CHRNA9: variants seen among roughly 807,000 people sequenced by gnomAD.
CHRNA9 encodes the protein neuronal acetylcholine receptor subunit alpha-9.
A neutral mutation model predicts 36.8 loss-of-function variants in CHRNA9; 24 were observed. The ratio of observed to expected loss-of-function variants is 0.65; its 90% confidence interval spans 0.47 to 0.92. The LOEUF (loss-of-function observed/expected upper bound fraction) is 0.92, where lower values mean the gene tolerates loss of function less well. CHRNA9 is among the 40% of genes least tolerant of loss of function. The probability of loss-of-function intolerance (pLI) is 0.00; values close to 1 mark genes in which losing one functional copy is unlikely to be tolerated. For missense variants in CHRNA9, 610 were observed against 601.2 expected, an observed-to-expected ratio of 1.01 and a Z score of -0.15; for synonymous variants, 231 against 231.8, an observed-to-expected ratio of 1.00 and a Z score of 0.03.
At chr4:40,346,154 G>A (rs1328906423) in intron 3 of CHRNA9, among the ~76,000 whole-genome samples, 1 of 152,242 alleles carries the variant, frequency 6.6e-6, no homozygotes, top group Non-Finnish European at 1.5e-5. Flanking sequence ...TGGAGCACCA[G>A]TGGGCAATTG....
chr4:40,341,592 G>A (rs182150565), intron 3 of CHRNA9, among the ~76,000 whole-genome samples: 49 of 152,216 alleles, frequency 3.2e-4, no homozygotes, highest in South Asian at 8.3e-4. Context: ...TACATAGGGC[G>A]CAACCAATGG....
At chr4:40,351,180 G>T (rs542952997) in intron 4 of CHRNA9, among the ~76,000 whole-genome samples, 2 of 150,944 alleles carry the variant, frequency 1.3e-5, no homozygotes, top group South Asian at 2.1e-4. Context: ...TCTATAAAAA[G>T]AATTAGCTGG....
At chr4:40,341,375 C>T (rs1402868859) in intron 3 of CHRNA9, among the ~76,000 whole-genome samples, 1 of 151,842 alleles carries the variant, frequency 6.6e-6, no homozygotes, top group East Asian at 1.9e-4. Flanking sequence ...GCCTTGACCT[C>T]CTGGACTCAA....
chr4:40,353,988 A>G lies in CHRNA9; in HGVS notation c.908A>G (p.Tyr303Cys), dbSNP rs751848478. 1 of 1,599,782 alleles carries G rather than the reference A, an allele frequency of 6.3e-7. No individual in the cohort carries two copies. Among genetic ancestry groups the G allele is most frequent in the South Asian group, 1.1e-5 (1 of 90,108 alleles). Residue 303 changes from tyrosine (Y) to cysteine (C), a missense_variant, in exon 5 of 5, where the codon TAC (tyrosine) becomes TGC (cysteine). Coordinates refer to ENST00000310169, the MANE Select transcript of CHRNA9 (RefSeq NM_017581.4). ...SENVPLIGKY[Y>C]IATMALITAS... ...GTTATTTTAATTCCAGGTAAATACTACATAGCCACGATGGCCCTGATCACA... is the reference window on the plus strand; with the variant it reads ...GTTATTTTAATTCCAGGTAAATACTGCATAGCCACGATGGCCCTGATCACA...
Position 40,335,395 on chromosome 4 carries a change from C to T in CHRNA9, c.-73C>T, listed in dbSNP as rs1712283698. The T allele has an allele frequency of 1.7e-6, 2 of 1,167,794 alleles. No individual in the cohort carries two copies. Among genetic ancestry groups the T allele is most frequent in the African/African-American group, 1.5e-5 (1 of 66,422 alleles). 72.3% of individuals were successfully genotyped at this position (1,167,794 alleles called of 1,614,324 possible). ...GGTGTGGGCTCCTTGTGCCCAGATC[C>T]TTTGTATTCATAGGGGGAAGTGGAA... On this transcript the variant is annotated 5_prime_UTR_variant, in exon 1 of 5. Coordinates refer to ENST00000310169, the MANE Select transcript of CHRNA9 (RefSeq NM_017581.4).
chr4:40,344,803 T>C (rs78800928), intron 3 of CHRNA9, among the ~76,000 whole-genome samples: 9,351 of 152,234 alleles, frequency 0.061, 356 homozygotes, highest in South Asian at 0.1. Context: ...TAATAAGCTA[T>C]ATATGTAAAA....
At chr4:40,336,738 C>T (rs1324780257) in intron 2 of CHRNA9, among the ~76,000 whole-genome samples, 1 of 152,118 alleles carries the variant, frequency 6.6e-6, no homozygotes, top group Non-Finnish European at 1.5e-5. Context: ...CCTCGGCCTC[C>T]CAAAGTGCTG....
At chr4:40,340,805 C>T (rs1712477350) in intron 3 of CHRNA9, among the ~76,000 whole-genome samples, 1 of 151,908 alleles carries the variant, frequency 6.6e-6, no homozygotes, top group African/African-American at 2.4e-5. Flanking sequence ...CTTCACAGAA[C>T]AGTTGAATTT....
intron 3 of CHRNA9, among the ~76,000 whole-genome samples, chr4:40,341,954 G>C (rs890446095): frequency 6.6e-6 from 1 of 152,124 alleles, no homozygotes. Flanking sequence ...ATTGCCTGTT[G>C]CCTAGGCTGG....
Position 40,336,364 on chromosome 4 carries a change from A to G in CHRNA9, c.210+392A>G, listed in dbSNP as rs1191146249. Among the ~76,000 whole-genome samples the G allele has an allele frequency of 3.3e-5, 5 of 152,194 alleles. No homozygotes were observed. The East Asian group carries it at 7.7e-4, about 23-fold the overall frequency. On this transcript the variant is annotated intron_variant, in intron 2 of 4. Transcript: ENST00000310169. ...ATTACGGCGTTTCTTTGCGGGGGGA[A>G]GAAATGATCTTGAATTAGGCAGTGG...
At position 40,336,941 on chromosome 4, in the gene CHRNA9, C is replaced by T. The variant is rs1252488817; in HGVS notation, c.211-269C>T. Reference sequence around the variant, plus strand: ...AGTACATCATTCATTGATCAATTTTCAGGAAATATAGGCAGTTGATCTATG... The same window carrying T: ...AGTACATCATTCATTGATCAATTTTTAGGAAATATAGGCAGTTGATCTATG... On this transcript the variant is annotated intron_variant, in intron 2 of 4. Transcript: ENST00000310169. Among the ~76,000 whole-genome samples the T allele has an allele frequency of 3.3e-5, 5 of 152,078 alleles. No individual in the cohort carries two copies. The East Asian group carries it at 5.8e-4, about 18-fold the overall frequency.
At chr4:40,345,752 C>A (rs895701778) in intron 3 of CHRNA9, among the ~76,000 whole-genome samples, 1 of 149,566 alleles carries the variant, frequency 6.7e-6, no homozygotes, top group Admixed American at 6.7e-5. Flanking sequence ...TGGCTGGGCA[C>A]GGTGGCTCAC....
chr4:40,347,065 G>T (rs958363624), intron 3 of CHRNA9, among the ~76,000 whole-genome samples: 10 of 151,980 alleles, frequency 6.6e-5, no homozygotes, highest in African/African-American at 2.2e-4. Context: ...TACCCACCTC[G>T]GCCTCCCAAA....
chr4:40,346,030 A>AAACAAC (rs145046393), intron 3 of CHRNA9, among the ~76,000 whole-genome samples: 3 of 151,522 alleles, frequency 2.0e-5, no homozygotes, highest in African/African-American at 7.3e-5. Flanking sequence ...CGTCTCAAAC[A>AAACAAC]AACAACAACA....
chr4:40,342,571 T>C (rs10027533), intron 3 of CHRNA9, among the ~76,000 whole-genome samples: 21,446 of 152,130 alleles, frequency 0.14, 1,564 homozygotes, highest in African/African-American at 0.16. Flanking sequence ...TGTCTAGGAA[T>C]AAGCCATAAT....
intron 3 of CHRNA9, among the ~76,000 whole-genome samples, chr4:40,339,955 C>A (rs1234036369): frequency 6.6e-6 from 1 of 152,194 alleles, no homozygotes; most frequent in Non-Finnish European, 1.5e-5. Context: ...GCATGAGCTG[C>A]TGTGCCCGGC....
chr4:40,354,302 GGT>G lies in CHRNA9; in HGVS notation c.1223_1224del (p.Gly408GlufsTer21). The G allele has an allele frequency of 4.3e-6, 7 of 1,614,138 alleles. No individual in the cohort carries two copies. The highest frequency in any genetic ancestry group is 5.9e-6 in the Non-Finnish European group (7 of 1,180,010). On this transcript the variant is annotated frameshift_variant, in exon 5 of 5. Coordinates refer to ENST00000310169, the MANE Select transcript of CHRNA9 (RefSeq NM_017581.4). LOFTEE classifies it high-confidence loss of function. ...KRLKNDLGCQ[G>X]KNPQEAESYC... The stretch of plus-strand genomic sequence containing the variant: ...CTTAAAGAACGACCTGGGCTGCCAG[GGT>G]AAGAACCCTCAGGAGGCCGAGAGTT...
At chr4:40,338,109 T>G (rs376110236) in intron 3 of CHRNA9, 1 of 152,158 alleles carries the variant, frequency 6.6e-6, no homozygotes, top group Admixed American at 6.5e-5. Flanking sequence ...TATCAATAAT[T>G]AATTAAACCG....
At chr4:40,336,636 C>A (rs1426802119) in intron 2 of CHRNA9, among the ~76,000 whole-genome samples, 7 of 140,238 alleles carry the variant, frequency 5.0e-5, no homozygotes, top group African/African-American at 1.9e-4. Flanking sequence ...GCCACCACAC[C>A]CGGCTAATTT....
Sources: allele counts gnomAD v4.1 joint callset (sites outside exome capture counted in the v4.1 genomes callset), GRCh38; gene constraint gnomAD v4.1.1; transcripts MANE v1.5; gene names NCBI Gene and HGNC (gene_info 2026-07-23, HGNC 2026-07-21).